PCDH9: variants seen among roughly 807,000 people sequenced by gnomAD.
The protein encoded by PCDH9 is protocadherin-9.
Under a neutral mutation model 70.6 loss-of-function variants are expected in PCDH9, and 24 were observed. The observed-to-expected ratio is 0.34, with a 90% CI of 0.25 to 0.48. The LOEUF is 0.48. Among genes scored for constraint, PCDH9 ranks in the 20% least tolerant of loss-of-function variants. The probability of loss-of-function intolerance (pLI) is 0.99; values close to 1 mark genes in which losing one functional copy is unlikely to be tolerated. For missense variants in PCDH9, 1,281 were observed against 1,503.6 expected (o/e 0.85, Z 2.45); for synonymous variants, 562 against 558.5 (o/e 1.01, Z -0.09).
At chr13:66,557,585 C>G (rs139602678) in intron 4 of PCDH9, among the ~76,000 whole-genome samples, 192 of 152,258 alleles carry the variant, frequency 1.3e-3, no homozygotes, top group Middle Eastern at 6.8e-3. Context: ...GTAACAGAAA[C>G]CAGCATTGCC....
rs988019600 is a variant in PCDH9, at chr13:66,446,707, A to G, written c.3341-141679T>C. Among the ~76,000 whole-genome samples the G allele has an allele frequency of 5.3e-5, 8 of 152,100 alleles. No homozygotes were observed. In the South Asian group the frequency reaches 8.3e-4, roughly 16 times the overall value. On this transcript the variant is annotated intron_variant, in intron 4 of 4. Coordinates refer to ENST00000377865, the MANE Select transcript of PCDH9 (RefSeq NM_203487.3). ...TCATATTACATGAAAGAATGTTTAT[A>G]TTGTCTATCACATTCAAAAAATCTT...
intron 3 of PCDH9, among the ~76,000 whole-genome samples, chr13:66,844,448 G>A (rs1263249198): frequency 6.6e-6 from 1 of 152,024 alleles, no homozygotes. Context: ...AGCTGGGCAT[G>A]GTGGGGGGTG....
intron 4 of PCDH9, among the ~76,000 whole-genome samples, chr13:66,351,902 T>C (rs949121516): frequency 1.3e-5 from 2 of 151,720 alleles, no homozygotes; most frequent in African/African-American, 2.4e-5. Context: ...TGTAATGGCA[T>C]GATCTCACCT....
At chr13:66,970,446 T>C (rs2083500704) in intron 2 of PCDH9, among the ~76,000 whole-genome samples, 2 of 151,518 alleles carry the variant, frequency 1.3e-5, no homozygotes, top group East Asian at 1.9e-4. Flanking sequence ...ATAGGTAACA[T>C]AGCAAGAACC....
At chr13:66,712,374 G>A (rs2078806117) in intron 3 of PCDH9, among the ~76,000 whole-genome samples, 1 of 152,024 alleles carries the variant, frequency 6.6e-6, no homozygotes, top group African/African-American at 2.4e-5. Context: ...GCTTAAATAT[G>A]ATAGTGTTAG....
chr13:66,628,526 T>C (rs1835398306), intron 4 of PCDH9, among the ~76,000 whole-genome samples: 1 of 152,182 alleles, frequency 6.6e-6, no homozygotes, highest in African/African-American at 2.4e-5. Flanking sequence ...GAGGAAAAGG[T>C]GGTCTTGCTC....
chr13:66,658,986 T>C (rs1024195402), intron 3 of PCDH9, among the ~76,000 whole-genome samples: 1 of 152,162 alleles, frequency 6.6e-6, no homozygotes, highest in African/African-American at 2.4e-5. Context: ...CTCCAAGTCA[T>C]ATTTTGTAAG....
intron 2 of PCDH9, among the ~76,000 whole-genome samples, chr13:67,179,329 C>T (rs2088555231): frequency 6.6e-6 from 1 of 152,086 alleles, no homozygotes; most frequent in African/African-American, 2.4e-5. Flanking sequence ...TTAATTTAAA[C>T]ATCTGCACAA....
chr13:66,487,129 T>C (rs1450301964), intron 4 of PCDH9, among the ~76,000 whole-genome samples: 2 of 152,238 alleles, frequency 1.3e-5, no homozygotes, highest in African/African-American at 4.8e-5. Context: ...AATAAATATA[T>C]GCATTTGCAA....
intron 4 of PCDH9, among the ~76,000 whole-genome samples, chr13:66,482,844 G>T (rs190642150): frequency 1.2e-4 from 18 of 152,188 alleles, no homozygotes; most frequent in African/African-American, 4.3e-4. Context: ...AATCCAATCT[G>T]CATCACTGAG....
intron 2 of PCDH9, among the ~76,000 whole-genome samples, chr13:66,967,701 CTAAG>C (rs1200030308): frequency 2.6e-5 from 4 of 151,968 alleles, no homozygotes; most frequent in African/African-American, 9.7e-5. Context: ...TTAAATCAGA[CTAAG>C]TATTTTGACA....
intron 4 of PCDH9, among the ~76,000 whole-genome samples, chr13:66,428,750 C>A (rs1158056128): frequency 6.6e-6 from 1 of 151,636 alleles, no homozygotes; most frequent in Non-Finnish European, 1.5e-5. Context: ...TTCTTCCTTA[C>A]TTTTCATAAA....
At chr13:66,941,707 C>T (rs1167729328) in intron 2 of PCDH9, among the ~76,000 whole-genome samples, 1 of 151,848 alleles carries the variant, frequency 6.6e-6, no homozygotes, top group African/African-American at 2.4e-5. Flanking sequence ...CAATCCTAAA[C>T]ATGTATGCAC....
intron 3 of PCDH9, among the ~76,000 whole-genome samples, chr13:66,846,837 A>G (rs2081218874): frequency 6.6e-6 from 1 of 151,840 alleles, no homozygotes; most frequent in Non-Finnish European, 1.5e-5. Flanking sequence ...GAAAGAGAAC[A>G]AAATCTTCCT....
intron 3 of PCDH9, among the ~76,000 whole-genome samples, chr13:66,825,760 C>T (rs2080813267): frequency 6.6e-6 from 1 of 152,154 alleles, no homozygotes; most frequent in African/African-American, 2.4e-5. Context: ...TCTAGTTTCT[C>T]ACACATCCAA....
chr13:66,945,020 T>C (rs968113999), intron 2 of PCDH9, among the ~76,000 whole-genome samples: 12 of 152,070 alleles, frequency 7.9e-5, no homozygotes, highest in African/African-American at 2.7e-4. Flanking sequence ...ATTAACCTCT[T>C]TGGCATATTG....
intron 4 of PCDH9, among the ~76,000 whole-genome samples, chr13:66,377,287 G>A (rs1453077506): frequency 6.6e-6 from 1 of 152,030 alleles, no homozygotes; most frequent in African/African-American, 2.4e-5. Flanking sequence ...GCACCTGGGG[G>A]GCTTGTTAAA....
intron 3 of PCDH9, among the ~76,000 whole-genome samples, chr13:66,724,102 T>C (rs2078975316): frequency 6.6e-6 from 1 of 152,216 alleles, no homozygotes; most frequent in African/African-American, 2.4e-5. Context: ...CAGGAATTTT[T>C]CTTTTTTCTC....
At chr13:66,810,646 T>C (rs1161704836) in intron 3 of PCDH9, among the ~76,000 whole-genome samples, 2 of 152,132 alleles carry the variant, frequency 1.3e-5, no homozygotes, top group East Asian at 3.9e-4. Flanking sequence ...CCTAGTATTC[T>C]TTATTTTTAT....
Sources: gnomAD v4.1 joint callset for allele counts (sites outside exome capture counted in the v4.1 genomes callset) on GRCh38, gnomAD v4.1.1 for gene constraint, MANE v1.5 for transcripts, NCBI Gene and HGNC (gene_info 2026-07-23, HGNC 2026-07-21) for gene names.